The following HDAC4 variants were observed in gnomAD, a reference collection of about 807,000 sequenced individuals.
HDAC4 encodes histone deacetylase 4.
HDAC4 carries 16 observed loss-of-function variants against 135.1 expected under a neutral mutation model. The ratio of observed to expected loss-of-function variants is 0.12; its 90% CI spans 0.08 to 0.18. The LOEUF (loss-of-function observed/expected upper bound fraction) is 0.18. HDAC4 is among the 10% of genes least tolerant of loss of function. HDAC4 has a pLI of 1.00. For synonymous variants in HDAC4, 685 were observed against 653.4 expected (o/e 1.05, Z -0.74); for missense variants, 1,143 against 1,511.8 (o/e 0.76, Z 4.05).
intron 15 of HDAC4, among the ~76,000 whole-genome samples, chr2:239,106,242 C>T (rs1338217444): frequency 6.6e-6 from 1 of 152,196 alleles, no homozygotes; most frequent in African/African-American, 2.4e-5. Context: ...TCTTTGCTTT[C>T]TCACTCCTCC....
In HDAC4 at chr2:239,307,949, C is replaced by T. The variant is rs1048067472; in HGVS notation, c.22+44729G>A. ...CCTGAAAACGGAACACAAGGCCCGGCAGCAACAGCCAGCAAAGTGTCCCCA... is the reference window on the plus strand; with the variant it reads ...CCTGAAAACGGAACACAAGGCCCGGTAGCAACAGCCAGCAAAGTGTCCCCA... On this transcript the variant is annotated intron_variant, in intron 2 of 26. Coordinates refer to ENST00000543185, the MANE Select transcript of HDAC4 (RefSeq NM_001378414.1). The surrounding 1 kb of genome is among the most constrained non-coding windows in gnomAD (Gnocchi z 4.8). Among the ~76,000 whole-genome samples, 1 of 152,154 alleles carries T rather than the reference C, an allele frequency of 6.6e-6. No individual in the cohort carries two copies.
At chr2:239,106,712 A>G (rs2152779063) in intron 15 of HDAC4, among the ~76,000 whole-genome samples, 1 of 146,916 alleles carries the variant, frequency 6.8e-6, no homozygotes, top group East Asian at 2.1e-4. Context: ...GCACAGATTA[A>G]AAGTTCACAA....
rs534440054 is a variant in HDAC4, at chr2:239,307,156, G to A, written c.22+45522C>T. ...CGTCCATCCTGGGTGCCCACGAGGG[G>A]TCTGGAAACCCTGACAGGGAGGGAG... On this transcript the variant is annotated intron_variant, in intron 2 of 26. Coordinates refer to ENST00000543185, the MANE Select transcript of HDAC4 (RefSeq NM_001378414.1). The surrounding 1 kb of genome is among the most constrained non-coding windows in gnomAD (Gnocchi z 4.8). Among the ~76,000 whole-genome samples, 46 of 152,088 alleles carry A rather than the reference G, an allele frequency of 3.0e-4. No individual in the cohort carries two copies. Among genetic ancestry groups the A allele is most frequent in the Non-Finnish European group, 5.6e-4 (38 of 67,990 alleles).
At chr2:239,388,183 G>A (rs1695953488) in intron 1 of HDAC4, among the ~76,000 whole-genome samples, 1 of 152,234 alleles carries the variant, frequency 6.6e-6, no homozygotes. Context: ...GACCTCCTGT[G>A]TTACTTATCC....
At position 239,139,108 on chromosome 2, in the gene HDAC4, T is replaced by C. The variant is rs1388443871; in HGVS notation, c.978+576A>G. Among the ~76,000 whole-genome samples the C allele has an allele frequency of 6.6e-6, 1 of 152,202 alleles. No homozygotes were observed. Among genetic ancestry groups the C allele is most frequent in the Non-Finnish European group, 1.5e-5 (1 of 68,036 alleles). On this transcript the variant is annotated intron_variant, in intron 9 of 26. Transcript: ENST00000543185. The surrounding 1 kb of genome is among the most constrained non-coding windows in gnomAD (Gnocchi z 5.3). The stretch of plus-strand genomic sequence containing the variant: ...GAGCTCTGCGGTCTGAGATGCCTGG[T>C]TCCCGTGATGCCTGGAAAAGTTCCC...
rs1032383854 is a variant in HDAC4 at position 239,308,244 on chromosome 2, G to C, written c.22+44434C>G. Among the ~76,000 whole-genome samples, 1 of 152,156 alleles carries C rather than the reference G, an allele frequency of 6.6e-6. No individual in the cohort carries two copies. Among genetic ancestry groups the C allele is most frequent in the African/African-American group, 2.4e-5 (1 of 41,444 alleles). On this transcript the variant is annotated intron_variant, in intron 2 of 26. Coordinates refer to ENST00000543185, the MANE Select transcript of HDAC4 (RefSeq NM_001378414.1). The surrounding 1 kb of genome is among the most constrained non-coding windows in gnomAD (Gnocchi z 4.2). ...AGGGACAAGAGAGCTAGAGACCCGG[G>C]GGGGAGTCCACTGCCTTGGGGACAC... is the stretch of plus-strand genomic sequence containing the variant.
intron 3 of HDAC4, among the ~76,000 whole-genome samples, chr2:239,202,012 C>G (rs972555310): frequency 6.6e-6 from 1 of 152,202 alleles, no homozygotes; most frequent in Non-Finnish European, 1.5e-5. Flanking sequence ...TTGGCAGGAT[C>G]TTTCCCCAGC....
At chr2:239,292,689 C>T (rs948152961) in intron 2 of HDAC4, among the ~76,000 whole-genome samples, 15 of 152,242 alleles carry the variant, frequency 9.9e-5, no homozygotes, top group South Asian at 8.3e-4. Flanking sequence ...CAGACTAAGG[C>T]GGGAGGCTGG....
intron 20 of HDAC4, among the ~76,000 whole-genome samples, chr2:239,083,842 A>T (rs1235875440): frequency 6.6e-6 from 1 of 152,192 alleles, no homozygotes; most frequent in African/African-American, 2.4e-5. Flanking sequence ...CACGCAAAGT[A>T]GATGTGGACA....
At chr2:239,217,256 A>T (rs1354677066) in intron 3 of HDAC4, among the ~76,000 whole-genome samples, 4 of 150,828 alleles carry the variant, frequency 2.7e-5, no homozygotes, top group Admixed American at 1.3e-4. Context: ...AGGCCCGTCG[A>T]CTCCCCTTCA....
chr2:239,235,560 T>C (rs2047839239), intron 3 of HDAC4, among the ~76,000 whole-genome samples: 1 of 152,112 alleles, frequency 6.6e-6, no homozygotes, highest in Non-Finnish European at 1.5e-5. Context: ...GGAACACTGG[T>C]TCCCTCAGCC....
intron 3 of HDAC4, among the ~76,000 whole-genome samples, chr2:239,194,439 A>G (rs370905599): frequency 4.6e-5 from 7 of 152,216 alleles, no homozygotes; most frequent in South Asian, 2.1e-4. Flanking sequence ...CTGCCGGGGA[A>G]TTCTCTTCTG....
intron 1 of HDAC4, among the ~76,000 whole-genome samples, chr2:239,357,522 A>C (rs1693570734): frequency 6.6e-6 from 1 of 152,030 alleles, no homozygotes; most frequent in Admixed American, 6.5e-5. Context: ...TGATTCTTTG[A>C]GACTATAAAA....
chr2:239,357,872 G>A (rs1412715697), intron 1 of HDAC4, among the ~76,000 whole-genome samples: 1 of 115,238 alleles, frequency 8.7e-6, no homozygotes, highest in Middle Eastern at 9.6e-3. Flanking sequence ...CTGGGTGACA[G>A]AGCAAGCCTC....
chr2:239,161,858 C>A (rs1301449218), intron 6 of HDAC4: 3 of 378,778 alleles, frequency 7.9e-6, no homozygotes, highest in African/African-American at 4.2e-5. Flanking sequence ...CGTCTCTCAG[C>A]ACGTCCCTCA....
At chr2:239,119,556 T>C (rs958064767) in intron 12 of HDAC4, among the ~76,000 whole-genome samples, 1 of 148,494 alleles carries the variant, frequency 6.7e-6, no homozygotes, top group African/African-American at 2.6e-5. Context: ...AGCTAAGGGC[T>C]GAGGGCGCGG....
intron 2 of HDAC4, among the ~76,000 whole-genome samples, chr2:239,281,465 A>G (rs1346984009): frequency 7.2e-6 from 1 of 137,966 alleles, no homozygotes; most frequent in Non-Finnish European, 1.5e-5. Context: ...TCTACACACC[A>G]CTCTACAATG....
intron 1 of HDAC4, among the ~76,000 whole-genome samples, chr2:239,375,543 G>A (rs556291824): frequency 1.6e-4 from 24 of 152,298 alleles, no homozygotes; most frequent in African/African-American, 5.8e-4. Context: ...GAGTGGTGAC[G>A]CCTCACAGCG....
chr2:239,211,164 CT>C lies in HDAC4; in HGVS notation c.95-21088del, dbSNP rs2046339311. ...AATCACTTTCTCACAAAAAGATTCA[CT>C]TACATTCCATTTTAAATGGATCTAT... On this transcript the variant is annotated intron_variant, in intron 3 of 26. Coordinates refer to ENST00000543185, the MANE Select transcript of HDAC4 (RefSeq NM_001378414.1). Among the ~76,000 whole-genome samples, 3 of 152,340 alleles carry C rather than the reference CT, an allele frequency of 2.0e-5. No homozygotes were observed. In the South Asian group the frequency reaches 6.2e-4, roughly 32 times the overall value.
Sources: gnomAD v4.1 joint callset for allele counts (sites outside exome capture counted in the v4.1 genomes callset) on GRCh38, gnomAD v4.1.1 for gene constraint, Gnocchi (gnomAD v3.1) non-coding constraint, MANE v1.5 for transcripts, NCBI Gene and HGNC (gene_info 2026-07-23, HGNC 2026-07-21) for gene names.